The following GALNT16 variants were observed in gnomAD, a reference collection of about 807,000 sequenced individuals.
The protein encoded by GALNT16 is polypeptide N-acetylgalactosaminyltransferase 16, also known as UDP-GalNAc:polypeptide N-acetylgalactosaminyltransferase-like protein 1.
GALNT16 carries 40 observed loss-of-function variants against 76.1 expected under a neutral mutation model. That is an observed-to-expected ratio of 0.53 (90% CI 0.41 to 0.68). The LOEUF is 0.68. Ranked by LOEUF, GALNT16 falls within the 30% of genes least tolerant of loss-of-function variation. GALNT16 has a pLI of 0.00. For synonymous variants in GALNT16, 276 were observed against 285.2 expected (o/e 0.97, Z 0.32); for missense variants, 621 against 731.9 (o/e 0.85, Z 1.75).
the GALNT16 span, among the ~76,000 whole-genome samples, chr14:69,378,945 A>T: frequency 1.3e-5 from 2 of 150,092 alleles, no homozygotes; most frequent in Admixed American, 1.3e-4. Flanking sequence ...AGCTTTATTT[A>T]TTTTTTTTTT....
At chr14:69,368,160 T>G in the GALNT16 span, among the ~76,000 whole-genome samples, 5 of 152,118 alleles carry the variant, frequency 3.3e-5, no homozygotes, top group African/African-American at 1.2e-4. Context: ...TGCCTCCTTT[T>G]TCTGGGAAAA....
At chr14:69,376,333 G>C in the GALNT16 span, among the ~76,000 whole-genome samples, 21 of 152,272 alleles carry the variant, frequency 1.4e-4, no homozygotes, top group East Asian at 3.1e-3. Context: ...CAGGACTCTA[G>C]TGGTCAGATT....
At chr14:69,369,594 AG>A in the GALNT16 span, among the ~76,000 whole-genome samples, 1,207 of 152,288 alleles carry the variant, frequency 7.9e-3, 11 homozygotes, top group African/African-American at 0.028. Flanking sequence ...TTTCTTCAAT[AG>A]GAACATCCAT....
At chr14:69,284,856 C>G (rs1416001794) in intron 1 of GALNT16, among the ~76,000 whole-genome samples, 2 of 151,984 alleles carry the variant, frequency 1.3e-5, no homozygotes, top group African/African-American at 4.8e-5. Context: ...CTCATGAGAT[C>G]CAATGGTTTT....
chr14:69,275,285 T>G (rs2044457815), intron 1 of GALNT16, among the ~76,000 whole-genome samples: 1 of 152,174 alleles, frequency 6.6e-6, no homozygotes, highest in Admixed American at 6.5e-5. Context: ...TTATTTATTA[T>G]ACCCTAGAGA....
At chr14:69,342,563 G>C (rs980660074) in intron 12 of GALNT16, among the ~76,000 whole-genome samples, 1 of 151,226 alleles carries the variant, frequency 6.6e-6, no homozygotes, top group African/African-American at 2.4e-5. Context: ...TCAACAATAG[G>C]GGTTGGCTTC....
chr14:69,287,055 C>A (rs11158801), intron 1 of GALNT16, among the ~76,000 whole-genome samples: 43,343 of 151,946 alleles, frequency 0.29, 6,777 homozygotes, highest in African/African-American at 0.39. Flanking sequence ...GAGACTTTCC[C>A]GGACATATGA....
At chr14:69,375,905 C>T in the GALNT16 span, among the ~76,000 whole-genome samples, 1 of 152,202 alleles carries the variant, frequency 6.6e-6, no homozygotes, top group South Asian at 2.1e-4. Context: ...TCCCAAAGTG[C>T]TGAGATTATT....
intron 12 of GALNT16, among the ~76,000 whole-genome samples, chr14:69,344,547 G>C (rs2045536790): frequency 6.6e-6 from 1 of 152,208 alleles, no homozygotes; most frequent in African/African-American, 2.4e-5. Flanking sequence ...GGCACTGCTG[G>C]GGAGCTGGGG....
the GALNT16 span, among the ~76,000 whole-genome samples, chr14:69,376,336 G>A: frequency 6.6e-6 from 1 of 152,116 alleles, no homozygotes; most frequent in African/African-American, 2.4e-5. Context: ...GACTCTAGTG[G>A]TCAGATTATG....
intron 1 of GALNT16, among the ~76,000 whole-genome samples, chr14:69,317,462 G>A (rs184566393): frequency 6.2e-4 from 95 of 152,354 alleles, no homozygotes; most frequent in Non-Finnish European, 7.3e-4. Flanking sequence ...GATGGGGCAT[G>A]AAAGGGACCA....
rs1473691239 is a variant in GALNT16, at chr14:69,333,405, T to C, written c.864-92T>C. 7.5e-6 allele frequency: 6 copies of C among 800,256 alleles called. No individual in the cohort carries two copies. The highest frequency in any genetic ancestry group is 1.3e-5 in the Non-Finnish European group (6 of 461,244). The allele number at this position is 800,256 out of a possible 1,614,324, so 49.6% of individuals were successfully genotyped here. A position where few individuals can be genotyped will look rare whatever the true frequency, so the allele number is the denominator to read the frequency against. ...CCCAGTGACTCTGCAGGGAGGGATC[T>C]AGAGGCAGACGGTCTTGGGTCCTGG... On this transcript the variant is annotated intron_variant, in intron 8 of 14. Coordinates refer to ENST00000448469, the MANE Select transcript of GALNT16 (RefSeq NM_001168368.2). This position sits in a 1 kb window ranked among gnomAD's most constrained non-coding sequence, Gnocchi z 4.2.
chr14:69,325,937 C>G, intron 4 of GALNT16, 25 bp from the exon 5 acceptor site: 2 of 1,602,864 alleles, frequency 1.2e-6, no homozygotes, highest in South Asian at 2.2e-5. Context: ...TCTAAATGAG[C>G]TTGCCTTCCT....
At chr14:69,344,070 G>C (rs2045529991) in intron 12 of GALNT16, among the ~76,000 whole-genome samples, 1 of 152,256 alleles carries the variant, frequency 6.6e-6, no homozygotes, top group African/African-American at 2.4e-5. Context: ...ATAGGCCTGA[G>C]TGATACCAAC....
intron 1 of GALNT16, among the ~76,000 whole-genome samples, chr14:69,308,192 T>G (rs183526870): frequency 1.3e-5 from 2 of 152,316 alleles, no homozygotes; most frequent in East Asian, 3.9e-4. Context: ...AGGATGATGA[T>G]GATAATGATG....
upstream of GALNT16, chr14:69,260,042 G>C: frequency 2.2e-6 from 1 of 448,794 alleles, no homozygotes; most frequent in Admixed American, 3.9e-5. Context: ...CCGGCCCTGC[G>C]CACGAATGAA....
At chr14:69,351,914 G>C (rs951527744) in intron 14 of GALNT16, 117 bp from the exon 15 acceptor site, 1 of 915,026 alleles carries the variant, frequency 1.1e-6, no homozygotes, top group African/African-American at 1.7e-5. Flanking sequence ...GGAGGAGGGG[G>C]ATGTGTCCTA....
chr14:69,279,537 C>T (rs942669807), intron 1 of GALNT16, among the ~76,000 whole-genome samples: 6 of 152,246 alleles, frequency 3.9e-5, no homozygotes, highest in Non-Finnish European at 7.3e-5. Context: ...GCAACGAGCA[C>T]TAAGCTAGAA....
At chr14:69,281,877 C>A (rs146185158) in intron 1 of GALNT16, among the ~76,000 whole-genome samples, 121 of 152,288 alleles carry the variant, frequency 7.9e-4, no homozygotes, top group African/African-American at 2.8e-3. Context: ...GTCCCCAGTG[C>A]CTGTCTAAAC....
Sources: gnomAD v4.1 joint callset for allele counts (sites outside exome capture counted in the v4.1 genomes callset) on GRCh38, gnomAD v4.1.1 for gene constraint, Gnocchi (gnomAD v3.1) non-coding constraint, MANE v1.5 for transcripts, NCBI Gene and HGNC (gene_info 2026-07-23, HGNC 2026-07-21) for gene names.